The following PDE4D variants were observed in gnomAD, a reference collection of about 807,000 sequenced individuals.
PDE4D encodes phosphodiesterase 4D.
A neutral mutation model predicts 87.4 loss-of-function variants in PDE4D; 24 were observed. That is an observed-to-expected ratio of 0.27 (90% confidence interval 0.20 to 0.39). The LOEUF (loss-of-function observed/expected upper bound fraction) is 0.39, where lower values mean the gene tolerates loss of function less well. PDE4D is among the 10% of genes least tolerant of loss of function. PDE4D has a pLI of 1.00. For missense variants in PDE4D, 714 were observed against 1,041.0 expected (o/e 0.69, Z 4.32); for synonymous variants, 384 against 383.2 (o/e 1.00, Z -0.02).
At chr5:59,691,561 G>C (rs900511157) in intron 1 of PDE4D, among the ~76,000 whole-genome samples, 22 of 144,444 alleles carry the variant, frequency 1.5e-4, no homozygotes, top group Non-Finnish European at 3.2e-4. Context: ...CACACACCGG[G>C]GTCTGTCATG....
At chr5:59,661,610 C>T (rs1201288225) in intron 1 of PDE4D, among the ~76,000 whole-genome samples, 2 of 152,134 alleles carry the variant, frequency 1.3e-5, no homozygotes, top group Admixed American at 1.3e-4. Context: ...AGGAAGTTAC[C>T]ATGCAATCCT....
chr5:59,742,689 T>A (rs921990841), intron 1 of PDE4D, among the ~76,000 whole-genome samples: 1 of 152,150 alleles, frequency 6.6e-6, no homozygotes, highest in African/African-American at 2.4e-5. Context: ...GAAACACACT[T>A]AGGTAATGCC....
chr5:59,096,072 A>G (rs1343368350), intron 5 of PDE4D, among the ~76,000 whole-genome samples: 1 of 152,122 alleles, frequency 6.6e-6, no homozygotes, highest in East Asian at 1.9e-4. Flanking sequence ...TTCAAAGGAG[A>G]TGGGGGAATC....
chr5:60,154,882 C>G (rs941300148), intron 2 of PDE4D, among the ~76,000 whole-genome samples: 2 of 152,154 alleles, frequency 1.3e-5, no homozygotes, highest in Admixed American at 6.5e-5. Context: ...ATTAATTAAT[C>G]TTTTAAAATG....
At chr5:59,573,516 C>G (rs1171127041) in intron 1 of PDE4D, among the ~76,000 whole-genome samples, 1 of 152,132 alleles carries the variant, frequency 6.6e-6, no homozygotes, top group Admixed American at 6.5e-5. Flanking sequence ...TCAGCCTTCC[C>G]AGGGCGAATT....
intron 2 of PDE4D, among the ~76,000 whole-genome samples, chr5:60,027,922 T>C (rs866164381): frequency 1.3e-5 from 2 of 152,370 alleles, no homozygotes; most frequent in Middle Eastern, 6.8e-3. Flanking sequence ...TCTGCTGTTC[T>C]GGGTATTGTG....
rs80126308 is a variant in PDE4D at position 59,535,326 on chromosome 5, C to T, written c.456-319358G>A. Among the ~76,000 whole-genome samples, 784 of 152,256 alleles carry T rather than the reference C, an allele frequency of 5.1e-3. 2 individuals carry two copies. Among genetic ancestry groups the T allele is most frequent in the Non-Finnish European group, 5.2e-3 (353 of 68,010 alleles). ...CATTTTTCTGGGTGTCTGGCCCAGGCATCAGATTTTTTAAAGTTCCCCAGG... is the reference window on the plus strand; with the variant it reads ...CATTTTTCTGGGTGTCTGGCCCAGGTATCAGATTTTTTAAAGTTCCCCAGG... On this transcript the variant is annotated intron_variant, in intron 1 of 14. Coordinates refer to ENST00000340635, the MANE Select transcript of PDE4D (RefSeq NM_001104631.2).
At chr5:59,891,437 T>C (rs1438444827) in intron 1 of PDE4D, among the ~76,000 whole-genome samples, 1 of 152,188 alleles carries the variant, frequency 6.6e-6, no homozygotes, top group African/African-American at 2.4e-5. Context: ...GTATCAGGCT[T>C]GCCTTCATTC....
chr5:59,348,868 G>T (rs763656550), intron 1 of PDE4D, among the ~76,000 whole-genome samples: 2 of 151,870 alleles, frequency 1.3e-5, no homozygotes. Flanking sequence ...GAGGTGGGAG[G>T]ATAACTTGAG....
intron 5 of PDE4D, among the ~76,000 whole-genome samples, chr5:59,147,196 A>G (rs529552188): frequency 2.0e-5 from 3 of 152,364 alleles, no homozygotes; most frequent in South Asian, 4.1e-4. Context: ...CCACTGCTGT[A>G]TAGCTACAAC....
At chr5:59,064,971 A>T (rs1048685202) in intron 5 of PDE4D, among the ~76,000 whole-genome samples, 1 of 151,984 alleles carries the variant, frequency 6.6e-6, no homozygotes, top group African/African-American at 2.4e-5. Flanking sequence ...TCTTAAAGAG[A>T]TATTTTCACT....
intron 1 of PDE4D, among the ~76,000 whole-genome samples, chr5:59,765,252 A>C (rs1762639369): frequency 6.6e-6 from 1 of 152,230 alleles, no homozygotes; most frequent in Admixed American, 6.5e-5. Flanking sequence ...GGTCTTTCCA[A>C]TCAACAGCCC....
At position 60,391,781 on chromosome 5, in the gene PDE4D, T is replaced by C. The variant is rs796960409; in HGVS notation, c.-90+96161A>G. Among the ~76,000 whole-genome samples the C allele has an allele frequency of 5.3e-5, 8 of 152,318 alleles. 1 individual carries two copies. The highest frequency in any genetic ancestry group is 1.9e-4 in the African/African-American group (8 of 41,570). On this transcript the variant is annotated intron_variant, in intron 1 of 16. Transcript: ENST00000502484. ...ATAACGTATTCAAAGATTCCAGAGA[T>C]GAGAACATAAACCTCTTTGGGGGCC...
At chr5:59,277,532 T>C (rs767608186) in intron 1 of PDE4D, among the ~76,000 whole-genome samples, 1 of 152,132 alleles carries the variant, frequency 6.6e-6, no homozygotes, top group African/African-American at 2.4e-5. Flanking sequence ...GGAATTTAAA[T>C]GTGGGAAAAG....
At chr5:60,178,437 A>T (rs1371986304) in intron 2 of PDE4D, among the ~76,000 whole-genome samples, 3 of 151,138 alleles carry the variant, frequency 2.0e-5, no homozygotes, top group Non-Finnish European at 4.4e-5. Flanking sequence ...ACTTGCAAAG[A>T]AAAAAAAACA....
At chr5:60,095,599 G>T (rs757335664) in intron 2 of PDE4D, among the ~76,000 whole-genome samples, 15 of 152,012 alleles carry the variant, frequency 9.9e-5, no homozygotes, top group Admixed American at 7.2e-4. Context: ...TGGTATTTCT[G>T]GTTTGAGATC....
At chr5:59,262,769 A>G (rs27549) in intron 1 of PDE4D, among the ~76,000 whole-genome samples, 34,531 of 151,832 alleles carry the variant, frequency 0.23, 4,140 homozygotes, top group Non-Finnish European at 0.26. Flanking sequence ...TCATATAAAA[A>G]TCACCCATTG....
intron 1 of PDE4D, among the ~76,000 whole-genome samples, chr5:60,513,217 T>C (rs1750652191): frequency 6.6e-6 from 1 of 152,158 alleles, no homozygotes; most frequent in South Asian, 2.1e-4. Flanking sequence ...AAGAGACATT[T>C]CTTAAATATA....
At chr5:60,078,305 G>A (rs898479440) in intron 2 of PDE4D, among the ~76,000 whole-genome samples, 8 of 151,926 alleles carry the variant, frequency 5.3e-5, no homozygotes, top group African/African-American at 1.7e-4. Context: ...TCTAATATAG[G>A]TATTTATCAC....
Sources: gnomAD v4.1 joint callset for allele counts (sites outside exome capture counted in the v4.1 genomes callset) on GRCh38, gnomAD v4.1.1 for gene constraint, MANE v1.5 for transcripts, NCBI Gene and HGNC (gene_info 2026-07-23, HGNC 2026-07-21) for gene names.